RAD52: variants seen among roughly 807,000 people sequenced by gnomAD.
RAD52 encodes DNA repair protein RAD52 homolog.
RAD52 carries 47 observed loss-of-function variants against 55.5 expected under a neutral mutation model. That is an observed-to-expected ratio of 0.85 (90% CI 0.67 to 1.08). The LOEUF (loss-of-function observed/expected upper bound fraction) is 1.08, where lower values mean the gene tolerates loss of function less well. RAD52 is among the 50% of genes least tolerant of loss of function. The probability of loss-of-function intolerance (pLI) is 0.00; values close to 1 mark genes in which losing one functional copy is unlikely to be tolerated. For synonymous variants in RAD52, 184 were observed against 198.9 expected, an observed-to-expected ratio of 0.92 and a Z score of 0.63; for missense variants, 468 against 522.8, an observed-to-expected ratio of 0.90 and a Z score of 1.02.
intron 1 of RAD52, among the ~76,000 whole-genome samples, chr12:981,771 T>TAAATACATAAAATAAAATA (rs1555184011): frequency 7.2e-6 from 1 of 139,618 alleles, no homozygotes; most frequent in Non-Finnish European, 1.5e-5. Context: ...AATAAATAAA[T>TAAATACATAAAATAAAATA]AAATAAAATA....
At chr12:934,150 T>G (rs1957487898) in intron 1 of RAD52, among the ~76,000 whole-genome samples, 1 of 150,444 alleles carries the variant, frequency 6.6e-6, no homozygotes, top group Admixed American at 6.6e-5. Flanking sequence ...AACACACAGT[T>G]TATTCAGCTT....
chr12:933,251 G>A (rs1957435960), intron 1 of RAD52, among the ~76,000 whole-genome samples, 175 bp from the exon 2 acceptor site: 1 of 152,126 alleles, frequency 6.6e-6, no homozygotes, highest in South Asian at 2.1e-4. Context: ...AAGGTCAGGA[G>A]ATGGAGACCA....
intron 1 of RAD52, among the ~76,000 whole-genome samples, chr12:947,891 AAAAAAAAAAAAC>A (rs1310122227): frequency 6.7e-6 from 1 of 150,088 alleles, no homozygotes; most frequent in Non-Finnish European, 1.5e-5. Context: ...CATCTCAAAA[AAAAAAAAAAAAC>A]AAAAAAAAAA....
chr12:923,386 T>C (rs1160252421), intron 7 of RAD52, among the ~76,000 whole-genome samples: 1 of 151,470 alleles, frequency 6.6e-6, no homozygotes, highest in Admixed American at 6.6e-5. Flanking sequence ...TAGTAATAAT[T>C]GTTTAAAAAA....
intron 1 of RAD52, among the ~76,000 whole-genome samples, chr12:964,472 G>T (rs1171534072): frequency 6.6e-6 from 1 of 152,060 alleles, no homozygotes; most frequent in African/African-American, 2.4e-5. Context: ...GGAGGCTGAG[G>T]TAGGAGAATC....
chr12:955,791 T>C (rs1241994511), intron 1 of RAD52, among the ~76,000 whole-genome samples: 2 of 151,784 alleles, frequency 1.3e-5, no homozygotes, highest in African/African-American at 4.8e-5. Flanking sequence ...TTTTTTGTTT[T>C]TTTTTGAGAT....
intron 1 of RAD52, among the ~76,000 whole-genome samples, chr12:934,711 C>T (rs1031197407): frequency 6.6e-6 from 1 of 152,020 alleles, no homozygotes; most frequent in South Asian, 2.1e-4. Flanking sequence ...AGTGCATTCA[C>T]ATATCAAATC....
At chr12:926,385 T>A (rs531866350) in intron 6 of RAD52, among the ~76,000 whole-genome samples, 31 of 151,964 alleles carry the variant, frequency 2.0e-4, no homozygotes, top group African/African-American at 7.2e-4. Context: ...GTGCCTGTGA[T>A]CCCAGCTACT....
chr12:937,508 C>G (rs11064595), intron 1 of RAD52, among the ~76,000 whole-genome samples: 546 of 152,116 alleles, frequency 3.6e-3, no homozygotes, highest in African/African-American at 0.013. Context: ...TCACTGCAAC[C>G]TACACCTCCC....
intron 1 of RAD52, among the ~76,000 whole-genome samples, chr12:971,131 G>A (rs1043317089): frequency 1.3e-5 from 2 of 152,156 alleles, no homozygotes; most frequent in Admixed American, 6.5e-5. Flanking sequence ...CCTTTGGTTG[G>A]AGAAGAAAAG....
intron 1 of RAD52, among the ~76,000 whole-genome samples, chr12:940,085 A>AAT (rs150676931): frequency 2.0e-5 from 3 of 151,976 alleles, no homozygotes; most frequent in Middle Eastern, 3.4e-3. Context: ...AAAAAAAAAA[A>AAT]GAAGAGAGAA....
At chr12:957,776 T>G (rs1029910803) in intron 1 of RAD52, among the ~76,000 whole-genome samples, 1 of 152,096 alleles carries the variant, frequency 6.6e-6, no homozygotes, top group African/African-American at 2.4e-5. Context: ...GGCAATAGAG[T>G]GAGGCCCTAT....
At chr12:918,581 T>A (rs1203616232) in intron 7 of RAD52, among the ~76,000 whole-genome samples, 1 of 152,014 alleles carries the variant, frequency 6.6e-6, no homozygotes, top group Non-Finnish European at 1.5e-5. Context: ...TTTATTTTTA[T>A]TTTTATTTCG....
chr12:929,794 C>A (rs1455385411), intron 5 of RAD52, 25 bp downstream of exon 5: 1 of 1,601,382 alleles, frequency 6.2e-7, no homozygotes, highest in Admixed American at 1.7e-5. Flanking sequence ...TCCTTCCGGG[C>A]AGCAGGTCTA....
chr12:937,290 C>T (rs947562079), intron 1 of RAD52, among the ~76,000 whole-genome samples: 1 of 152,154 alleles, frequency 6.6e-6, no homozygotes, highest in African/African-American at 2.4e-5. Flanking sequence ...CACCTTTCCC[C>T]TACCTCTGCT....
At chr12:933,971 G>C (rs1957474277) in intron 1 of RAD52, among the ~76,000 whole-genome samples, 1 of 151,790 alleles carries the variant, frequency 6.6e-6, no homozygotes. Flanking sequence ...TTAAAAATTA[G>C]CCAGGCGTGG....
chr12:913,149 C>T lies in RAD52; in HGVS notation c.*242G>A, dbSNP rs576886633. 73 of 423,180 alleles carry T rather than the reference C, an allele frequency of 1.7e-4. No homozygotes were observed. The highest frequency in any genetic ancestry group is 2.6e-4 in the Non-Finnish European group (63 of 240,172). 26.2% of individuals were successfully genotyped at this position (423,180 alleles called of 1,614,324 possible). ...ATAAATAGTGGGAAGCCTCACAAGCCGAAGAAAAGGTATTCATCTGTCCAG... is the reference window on the plus strand; with the variant it reads ...ATAAATAGTGGGAAGCCTCACAAGCTGAAGAAAAGGTATTCATCTGTCCAG... On this transcript the variant is annotated 3_prime_UTR_variant, in exon 12 of 12. Transcript: ENST00000358495.
intron 1 of RAD52, among the ~76,000 whole-genome samples, chr12:983,135 C>T (rs1347635766): frequency 6.6e-6 from 1 of 152,110 alleles, no homozygotes; most frequent in Non-Finnish European, 1.5e-5. Context: ...CAGGTGTGAG[C>T]AGCTGCACAC....
At chr12:944,762 T>TTTTCTTTC (rs111886827) in intron 1 of RAD52, among the ~76,000 whole-genome samples, 1 of 143,582 alleles carries the variant, frequency 7.0e-6, no homozygotes, top group Non-Finnish European at 1.5e-5. Context: ...CTAAAAGCAT[T>TTTTCTTTC]TTTCTTTCTT....
Sources: allele counts gnomAD v4.1 joint callset (sites outside exome capture counted in the v4.1 genomes callset), GRCh38; gene constraint gnomAD v4.1.1; transcripts MANE v1.5; gene names NCBI Gene and HGNC (gene_info 2026-07-23, HGNC 2026-07-21).